RPS6KA5: variants seen among roughly 807,000 people sequenced by gnomAD.
RPS6KA5 encodes ribosomal protein S6 kinase alpha-5.
Under a neutral mutation model 85.5 loss-of-function variants are expected in RPS6KA5, and 27 were observed. The observed-to-expected ratio is 0.32, with a 90% CI of 0.23 to 0.44. The LOEUF (loss-of-function observed/expected upper bound fraction) is 0.44, where lower values mean the gene tolerates loss of function less well. RPS6KA5 is among the 20% of genes least tolerant of loss of function. RPS6KA5 has a pLI of 1.00. For synonymous variants in RPS6KA5, 334 were observed against 348.2 expected (o/e 0.96, Z 0.46); for missense variants, 811 against 980.9 (o/e 0.83, Z 2.31).
intron 2 of RPS6KA5, among the ~76,000 whole-genome samples, chr14:90,985,780 C>T (rs1035050684): frequency 6.6e-6 from 1 of 152,144 alleles, no homozygotes; most frequent in Non-Finnish European, 1.5e-5. Context: ...TGTATTTCTG[C>T]ACCCATGCAG....
intron 1 of RPS6KA5, among the ~76,000 whole-genome samples, chr14:91,059,101 G>T (rs1452213966): frequency 6.6e-6 from 1 of 152,198 alleles, no homozygotes; most frequent in East Asian, 1.9e-4. Context: ...GCCGAGGCGG[G>T]CGGATCACTT....
At position 90,956,181 on chromosome 14, in the gene RPS6KA5, C is replaced by T. The variant is rs540813234; in HGVS notation, c.395-8631G>A. ...TGAACATCTGAAGTTTTTTTTTATC[C>T]GTAGGGTGTCCTGGAACCAATTCCC... On this transcript the variant is annotated intron_variant, in intron 3 of 16. Coordinates refer to ENST00000614987, the MANE Select transcript of RPS6KA5 (RefSeq NM_004755.4). Among the ~76,000 whole-genome samples the T allele has an allele frequency of 3.6e-4, 54 of 151,884 alleles. No individual in the cohort carries two copies. The East Asian group carries it at 8.3e-3, about 23-fold the overall frequency.
chr14:91,018,648 T>C (rs1400802656), intron 1 of RPS6KA5, among the ~76,000 whole-genome samples: 1 of 152,216 alleles, frequency 6.6e-6, no homozygotes, highest in East Asian at 1.9e-4. Context: ...CTTTGGACTC[T>C]TGGACTTACA....
intron 2 of RPS6KA5, among the ~76,000 whole-genome samples, chr14:90,987,701 A>G (rs114856720): frequency 0.022 from 3,372 of 150,486 alleles, 48 homozygotes; most frequent in Non-Finnish European, 0.032. Context: ...AGCAGCAGCC[A>G]CAACAACAAC....
chr14:90,902,825 A>T lies in RPS6KA5; in HGVS notation c.1102T>A (p.Ser368Thr), dbSNP rs1349695832. ...GAAATTACCTGAAACAGCTTCTCAGAACTCTGGGGCAGGGCTGCGGGAGAA... is the reference window on the plus strand; with the variant it reads ...GAAATTACCTGAAACAGCTTCTCAGTACTCTGGGGCAGGGCTGCGGGAGAA... ...TYSPAALPQS[S>T]EKLFQGYSFV... Residue 368 changes from serine (S) to threonine (T), a missense_variant, in exon 9 of 17, where the codon TCT becomes ACT. Coordinates refer to ENST00000614987, the MANE Select transcript of RPS6KA5 (RefSeq NM_004755.4). The T allele has an allele frequency of 6.2e-7, 1 of 1,614,002 alleles. No individual in the cohort carries two copies. The highest frequency in any genetic ancestry group is 1.7e-5 in the Admixed American group (1 of 60,002).
At chr14:90,936,528 G>C (rs1204714252) in intron 5 of RPS6KA5, among the ~76,000 whole-genome samples, 1 of 151,888 alleles carries the variant, frequency 6.6e-6, no homozygotes, top group Non-Finnish European at 1.5e-5. Flanking sequence ...TGCCACGCTG[G>C]GTGACAGACC....
chr14:90,901,047 A>C (rs1199502148), intron 9 of RPS6KA5, among the ~76,000 whole-genome samples: 2 of 152,194 alleles, frequency 1.3e-5, no homozygotes, highest in Admixed American at 6.5e-5. Context: ...TTGCTGATGA[A>C]ATTTGTTTAC....
In RPS6KA5 at chr14:90,870,674, A is replaced by G. The variant is rs1427615574; in HGVS notation, c.*1400T>C. The stretch of plus-strand genomic sequence containing the variant: ...AAAGGTTATCATTAACAAAAACTAT[A>G]AAATAAACATGTTGGGCATTATCTC... On this transcript the variant is annotated 3_prime_UTR_variant, in exon 17 of 17. Transcript: ENST00000614987. 1 of 152,432 alleles carries G rather than the reference A, an allele frequency of 6.6e-6. No homozygotes were observed. Among genetic ancestry groups the G allele is most frequent in the Non-Finnish European group, 1.5e-5 (1 of 67,990 alleles). The allele number at this position is 152,432 out of a possible 1,614,324, so 9.4% of individuals were successfully genotyped here. A position where few individuals can be genotyped will look rare whatever the true frequency, so the allele number is the denominator to read the frequency against.
chr14:91,059,432 T>A (rs2043520557), intron 1 of RPS6KA5, among the ~76,000 whole-genome samples: 1 of 151,884 alleles, frequency 6.6e-6, no homozygotes, highest in African/African-American at 2.4e-5. Context: ...GAACGACTCA[T>A]TAAAATGTAC....
Position 90,869,607 on chromosome 14 carries a change from A to C in RPS6KA5, c.*2467T>G, listed in dbSNP as rs1213735747. The stretch of plus-strand genomic sequence containing the variant: ...AATAATGTAAGTATTTGTATTTCTT[A>C]GATCTTCTTCTATTTTACTCTTAAT... On this transcript the variant is annotated 3_prime_UTR_variant, in exon 17 of 17. Coordinates refer to ENST00000614987, the MANE Select transcript of RPS6KA5 (RefSeq NM_004755.4). 1 of 152,210 alleles carries C rather than the reference A, an allele frequency of 6.6e-6. No homozygotes were observed. Among genetic ancestry groups the C allele is most frequent in the Admixed American group, 6.5e-5 (1 of 15,276 alleles). 9.4% of individuals were successfully genotyped at this position (152,210 alleles called of 1,614,324 possible).
intron 13 of RPS6KA5, 98 bp from the exon 14 acceptor site, chr14:90,890,776 A>G (rs750432722): frequency 3.7e-5 from 42 of 1,121,470 alleles, no homozygotes; most frequent in Non-Finnish European, 5.3e-5. Flanking sequence ...TAGTTGATTC[A>G]TGTGCAGAGA....
chr14:90,984,870 T>C (rs2039990115), intron 2 of RPS6KA5, among the ~76,000 whole-genome samples: 2 of 152,252 alleles, frequency 1.3e-5, no homozygotes, highest in Non-Finnish European at 2.9e-5. Context: ...AGCAGTCTTC[T>C]TGAGCATAAA....
intron 1 of RPS6KA5, among the ~76,000 whole-genome samples, chr14:91,002,936 G>C (rs1237349211): frequency 6.6e-6 from 1 of 152,090 alleles, no homozygotes; most frequent in Non-Finnish European, 1.5e-5. Context: ...ATTGACATCA[G>C]TATAGATCTA....
intron 3 of RPS6KA5, among the ~76,000 whole-genome samples, chr14:90,963,083 C>T (rs1000565277): frequency 2.0e-5 from 3 of 152,156 alleles, no homozygotes; most frequent in Non-Finnish European, 4.4e-5. Context: ...TTTCATACAA[C>T]GCATTAGAAA....
intron 2 of RPS6KA5, among the ~76,000 whole-genome samples, chr14:90,992,652 C>T (rs530767061): frequency 3.3e-5 from 5 of 152,146 alleles, no homozygotes; most frequent in Admixed American, 2.0e-4. Flanking sequence ...GGAAATAATC[C>T]CCCTTTTCCT....
intron 14 of RPS6KA5, among the ~76,000 whole-genome samples, chr14:90,885,410 G>A (rs1157941663): frequency 1.3e-5 from 2 of 150,766 alleles, no homozygotes; most frequent in Non-Finnish European, 3.0e-5. Context: ...AAAATTAGCC[G>A]GGCGTAGTGG....
intron 14 of RPS6KA5, among the ~76,000 whole-genome samples, chr14:90,885,573 A>T (rs1217718721): frequency 1.4e-5 from 1 of 70,088 alleles, no homozygotes; most frequent in African/African-American, 4.4e-5. Context: ...AAAAAAAAAA[A>T]AAAAAAAAAA....
At chr14:90,912,610 C>T (rs762831386) in intron 7 of RPS6KA5, among the ~76,000 whole-genome samples, 10 of 152,182 alleles carry the variant, frequency 6.6e-5, no homozygotes, top group Non-Finnish European at 1.5e-5. Flanking sequence ...GTGAACGGTG[C>T]TGTTGATGTC....
Position 91,044,289 on chromosome 14 carries a change from G to A in RPS6KA5, c.103+16043C>T, listed in dbSNP as rs74514846. Among the ~76,000 whole-genome samples the A allele has an allele frequency of 2.4e-3, 100 of 41,572 alleles. 1 individual carries two copies. The highest frequency in any genetic ancestry group is 2.5e-3 in the South Asian group (3 of 1,198). The allele number at this position is 41,572 out of a possible 152,430, so 27.3% of individuals were successfully genotyped here. A position where few individuals can be genotyped will look rare whatever the true frequency, so the allele number is the denominator to read the frequency against. On this transcript the variant is annotated intron_variant, in intron 1 of 16. Transcript: ENST00000614987. ...AGAGAGAGAGAAAGAAAGAGAGAGA[G>A]AGAGAAAGAGAGAGAAAGAGAGAGA...
Sources: allele counts gnomAD v4.1 joint callset (sites outside exome capture counted in the v4.1 genomes callset), GRCh38; gene constraint gnomAD v4.1.1; transcripts MANE v1.5; gene names NCBI Gene and HGNC (gene_info 2026-07-23, HGNC 2026-07-21).